Variants in TSNARE1 observed in about 807,000 individuals in gnomAD.
The protein encoded by TSNARE1 is t-SNARE domain-containing protein 1.
In TSNARE1, 49 loss-of-function variants were observed where a neutral mutation model predicts 62.0. That is an observed-to-expected ratio of 0.79 (90% confidence interval 0.63 to 1.00). The LOEUF is 1.00. Ranked by LOEUF, TSNARE1 falls within the 50% of genes least tolerant of loss-of-function variation. TSNARE1 has a pLI of 0.00. For synonymous variants in TSNARE1, 328 were observed against 294.4 expected, an observed-to-expected ratio of 1.11 and a Z score of -1.17; for missense variants, 755 against 700.1, an observed-to-expected ratio of 1.08 and a Z score of -0.88.
chr8:142,376,496 A>T (rs1054361718), intron 1 of TSNARE1, among the ~76,000 whole-genome samples: 1 of 152,116 alleles, frequency 6.6e-6, no homozygotes, highest in African/African-American at 2.4e-5. Flanking sequence ...CCGTCTTTCC[A>T]CCATGTGTGG....
chr8:142,360,063 T>A (rs11986502), intron 1 of TSNARE1, among the ~76,000 whole-genome samples: 1 of 152,252 alleles, frequency 6.6e-6, no homozygotes, highest in Non-Finnish European at 1.5e-5. Context: ...GGTGCGGCCT[T>A]GAAGGCCTGG....
In TSNARE1 at chr8:142,331,760, A is replaced by C; in HGVS notation, c.817T>G (p.Ser273Ala). 6.3e-7 allele frequency: 1 copy of C among 1,597,936 alleles called. No individual in the cohort carries two copies. The highest frequency in any genetic ancestry group is 8.5e-7 in the Non-Finnish European group (1 of 1,172,540). Residue 273 changes from serine (S) to alanine (A), a missense_variant, in exon 5 of 14, where the codon TCC becomes GCC. Transcript: ENST00000524325. Reference sequence around the variant, plus strand: ...AGGCCAGACGCACACTCACCACTGGAGTTGATTCGGAAGACGTTGGCCGAC... The same window carrying C: ...AGGCCAGACGCACACTCACCACTGGCGTTGATTCGGAAGACGTTGGCCGAC... ...EMSANVFRIN[S>A]SVTSLERSLQ...
At chr8:142,214,115 G>C (rs1326370517) in intron 13 of TSNARE1, among the ~76,000 whole-genome samples, 1 of 152,204 alleles carries the variant, frequency 6.6e-6, no homozygotes, top group Non-Finnish European at 1.5e-5. Flanking sequence ...CAGGGCTCAG[G>C]GACTGGCCGA....
chr8:142,227,304 CCCCT>C, intron 13 of TSNARE1, among the ~76,000 whole-genome samples: 1 of 149,760 alleles, frequency 6.7e-6, no homozygotes, highest in African/African-American at 2.5e-5. Flanking sequence ...CAGCCAGGAC[CCCCT>C]TCCTGCCCAC....
chr8:142,268,684 G>A (rs898021927), intron 12 of TSNARE1, among the ~76,000 whole-genome samples: 1 of 152,214 alleles, frequency 6.6e-6, no homozygotes, highest in African/African-American at 2.4e-5. Context: ...CCCAGTCAGT[G>A]GGCTGAGATG....
At chr8:142,330,075 G>A (rs374486762) in intron 6 of TSNARE1, among the ~76,000 whole-genome samples, 12 of 152,244 alleles carry the variant, frequency 7.9e-5, no homozygotes, top group East Asian at 3.9e-4. Flanking sequence ...AGGGGAGTGC[G>A]AGGACAACGT....
intron 1 of TSNARE1, among the ~76,000 whole-genome samples, chr8:142,355,736 CCACA>C (rs1293438039): frequency 6.6e-6 from 1 of 152,204 alleles, no homozygotes; most frequent in African/African-American, 2.4e-5. Flanking sequence ...CTCCACCCGC[CCACA>C]CAAACACCTG....
chr8:142,213,322 C>G (rs1473105532), intron 13 of TSNARE1, among the ~76,000 whole-genome samples: 1 of 145,144 alleles, frequency 6.9e-6, no homozygotes, highest in African/African-American at 2.6e-5. Flanking sequence ...CCTCCTCCAG[C>G]CCCTCTCCTG....
intron 6 of TSNARE1, among the ~76,000 whole-genome samples, chr8:142,323,586 C>T (rs755944814): frequency 3.2e-4 from 49 of 152,196 alleles, no homozygotes; most frequent in Non-Finnish European, 5.4e-4. Flanking sequence ...CGGGAAATGG[C>T]GACTCCAATC....
chr8:142,274,271 T>C (rs2130588480), intron 12 of TSNARE1: 14 of 985,428 alleles, frequency 1.4e-5, no homozygotes, highest in South Asian at 9.4e-5. Flanking sequence ...TCAGGTCTTC[T>C]TGTGGTGACC....
intron 10 of TSNARE1, 97 bp downstream of exon 10, chr8:142,300,389 G>T: frequency 7.1e-7 from 1 of 1,408,466 alleles, no homozygotes; most frequent in Non-Finnish European, 9.5e-7. Context: ...CAGGTCAAGG[G>T]CAAGCAATGG....
intron 12 of TSNARE1, chr8:142,270,665 G>A (rs1293626448): frequency 2.0e-6 from 2 of 985,214 alleles, no homozygotes; most frequent in Non-Finnish European, 2.4e-6. Flanking sequence ...TCACGCTTGG[G>A]ACCTTTTTAG....
chr8:142,250,736 G>A (rs1818121129), intron 12 of TSNARE1, among the ~76,000 whole-genome samples: 1 of 152,222 alleles, frequency 6.6e-6, no homozygotes, highest in Non-Finnish European at 1.5e-5. Context: ...GGCAGCACAG[G>A]CAGCTGACCC....
chr8:142,250,812 G>A (rs1164957065), intron 12 of TSNARE1, among the ~76,000 whole-genome samples: 2 of 152,202 alleles, frequency 1.3e-5, no homozygotes, highest in South Asian at 2.1e-4. Context: ...AGCTGCCGTG[G>A]TGATGGACGT....
At chr8:142,326,310 G>A (rs529322072) in intron 6 of TSNARE1, 6 of 140,244 alleles carry the variant, frequency 4.3e-5, no homozygotes, top group African/African-American at 1.8e-4. Flanking sequence ...CACCAACGAA[G>A]GGGAGGGCCC....
intron 10 of TSNARE1, among the ~76,000 whole-genome samples, chr8:142,293,544 T>C (rs1824172346): frequency 6.6e-6 from 1 of 152,218 alleles, no homozygotes; most frequent in Non-Finnish European, 1.5e-5. Context: ...CAGGGTCACA[T>C]GGCCCAGTGG....
intron 12 of TSNARE1, among the ~76,000 whole-genome samples, chr8:142,268,745 C>G (rs1330591516): frequency 6.6e-6 from 1 of 152,210 alleles, no homozygotes; most frequent in East Asian, 1.9e-4. Context: ...TCCATTCCTT[C>G]CCTACACCCT....
intron 13 of TSNARE1, among the ~76,000 whole-genome samples, chr8:142,214,939 C>T (rs1815758477): frequency 6.6e-6 from 1 of 152,228 alleles, no homozygotes; most frequent in Non-Finnish European, 1.5e-5. Flanking sequence ...TGCTTGGTTA[C>T]AGCAGCTGAG....
At chr8:142,310,053 G>A (rs1827322745) in intron 9 of TSNARE1, among the ~76,000 whole-genome samples, 1 of 151,894 alleles carries the variant, frequency 6.6e-6, no homozygotes, top group South Asian at 2.1e-4. Context: ...GTGTAGGACT[G>A]GTAATGATCT....
Sources: gnomAD v4.1 joint callset for allele counts (sites outside exome capture counted in the v4.1 genomes callset) on GRCh38, gnomAD v4.1.1 for gene constraint, MANE v1.5 for transcripts, NCBI Gene and HGNC (gene_info 2026-07-23, HGNC 2026-07-21) for gene names.